The following BACH1 variants were observed in gnomAD, a reference collection of about 807,000 sequenced individuals.
The protein encoded by BACH1 is BTB domain and CNC homolog 1.
Under a neutral mutation model 52.9 loss-of-function variants are expected in BACH1, and 35 were observed. The ratio of observed to expected loss-of-function variants is 0.66; its 90% confidence interval spans 0.51 to 0.88. The LOEUF is 0.88. Among genes scored for constraint, BACH1 ranks in the 40% least tolerant of loss-of-function variants. The pLI is 0.00. For missense variants in BACH1, 808 were observed against 872.6 expected (o/e 0.93, Z 0.93); for synonymous variants, 321 against 319.6 (o/e 1.00, Z -0.05).
At position 29,344,696 on chromosome 21, in the gene BACH1, C is replaced by T. The variant is rs1031189458; in HGVS notation, c.*1863C>T. ...TGTGTATGTATACATATATATCTCT[C>T]CATATAGGTATTTCTTTGATACTTG... On this transcript the variant is annotated 3_prime_UTR_variant, in exon 5 of 5. Transcript: ENST00000286800. 4.6e-5 allele frequency: 7 copies of T among 151,562 alleles called. No homozygotes were observed. The East Asian group carries it at 7.7e-4, about 17-fold the overall frequency. The allele number at this position is 151,562 out of a possible 1,614,324, so 9.4% of individuals were successfully genotyped here.
At chr21:29,320,433 AGTGT>A (rs772206484) in intron 1 of BACH1, among the ~76,000 whole-genome samples, 3 of 152,186 alleles carry the variant, frequency 2.0e-5, no homozygotes, top group Non-Finnish European at 4.4e-5. Context: ...TTTTGGCAGT[AGTGT>A]GTATGTGATC....
rs558491949 is a variant in BACH1, at chr21:29,342,687, G to A, written c.2065G>A (p.Glu689Lys). The A allele has an allele frequency of 6.2e-7, 1 of 1,614,190 alleles. No individual in the cohort carries two copies. The highest frequency in any genetic ancestry group is 8.5e-7 in the Non-Finnish European group (1 of 1,180,032). ...GCCTCCCTGTGCCAGAGGAAACAGTGAGCCTGGCTACGCGCGAGGGCAGGA... is the reference window on the plus strand; with the variant it reads ...GCCTCCCTGTGCCAGAGGAAACAGTAAGCCTGGCTACGCGCGAGGGCAGGA... ...VLPPCARGNS[E>K]PGYARGQESQ... The change falls in exon 5 of 5, where the codon GAG becomes AAG. Residue 689 changes from glutamate (E) to lysine (K), a missense_variant. Glu to Lys is a moderately conservative substitution (Grantham distance 56, BLOSUM62 1). Transcript: ENST00000286800.
At chr21:29,350,210 G>A (rs407712), downstream of BACH1, among the ~76,000 whole-genome samples, 110,079 of 152,134 alleles carry the variant, frequency 0.72, 41,248 homozygotes, top group African/African-American at 0.91. Context: ...ACTGCACCCC[G>A]TGGTTCACAA....
At chr21:29,300,366 A>T (rs1000945885) in intron 1 of BACH1, among the ~76,000 whole-genome samples, 24 of 152,178 alleles carry the variant, frequency 1.6e-4, no homozygotes, top group Non-Finnish European at 3.1e-4. Context: ...GCTGGTGCAA[A>T]TACTCTCATC....
At chr21:29,350,870 C>A (rs1347627707), downstream of BACH1, among the ~76,000 whole-genome samples, 1 of 152,104 alleles carries the variant, frequency 6.6e-6, no homozygotes, top group African/African-American at 2.4e-5. Flanking sequence ...GAGAAAGATA[C>A]CCCAGAAGAG....
In BACH1 at chr21:29,342,766, G is replaced by A. The variant is rs369346505; in HGVS notation, c.2144G>A (p.Cys715Tyr). Residue 715 changes from cysteine to tyrosine, a missense_variant, in exon 5 of 5, where the codon TGT (cysteine) becomes TAT (tyrosine). By Grantham distance (194) the Cys-to-Tyr change is radical (BLOSUM62 -2). Transcript: ENST00000286800. ...GAGCAAGCTGGGCCTGCGGAACAGTGTCGTCAGAGTGGTGGGATCTCAGAT... is the reference window on the plus strand; with the variant it reads ...GAGCAAGCTGGGCCTGCGGAACAGTATCGTCAGAGTGGTGGGATCTCAGAT... ...TSEQAGPAEQ[C>Y]RQSGGISDFC... The A allele has an allele frequency of 2.0e-5, 32 of 1,613,508 alleles. No homozygotes were observed. Among genetic ancestry groups the A allele is most frequent in the Non-Finnish European group, 2.7e-5 (32 of 1,179,604 alleles).
rs757204896 is a variant in BACH1 at position 29,327,185 on chromosome 21, C to T, written c.1361C>T (p.Thr454Ile). ...ESPEPGQRTF[T>I]TLSSVNCPFI... ...CCAGAACCAGGTCAAAGGACTTTCA[C>T]AACATTAAGTTCTGTCAACTGCCCT... Residue 454 changes from threonine to isoleucine, a missense_variant, in exon 3 of 5, where the codon ACA becomes ATA. Coordinates refer to ENST00000286800, the MANE Select transcript of BACH1 (RefSeq NM_001186.4). The T allele has an allele frequency of 6.2e-6, 10 of 1,614,218 alleles. No individual in the cohort carries two copies. Among genetic ancestry groups the T allele is most frequent in the Middle Eastern group, 1.6e-4 (1 of 6,062 alleles).
chr21:29,329,355 G>T, intron 3 of BACH1, 132 bp from the exon 4 acceptor site: 1 of 664,304 alleles, frequency 1.5e-6, no homozygotes, highest in South Asian at 2.9e-5. Flanking sequence ...ATAGAAATTG[G>T]GATAGAGGCC....
intron 3 of BACH1, 51 bp downstream of exon 3, chr21:29,327,444 A>T (rs780747281): frequency 1.8e-5 from 28 of 1,561,384 alleles, no homozygotes; most frequent in African/African-American, 2.7e-5. Context: ...ATTAATTGGG[A>T]TTTACTGTGG....
intron 1 of BACH1, among the ~76,000 whole-genome samples, chr21:29,301,783 T>A (rs1376148497): frequency 2.0e-5 from 3 of 152,154 alleles, no homozygotes; most frequent in African/African-American, 7.2e-5. Context: ...TCTGTTTTTT[T>A]TTGTTTGTTT....
At chr21:29,350,681 G>A (rs73897767), downstream of BACH1, among the ~76,000 whole-genome samples, 1,753 of 152,326 alleles carry the variant, frequency 0.012, 38 homozygotes, top group African/African-American at 0.04. Context: ...AGGACAACCA[G>A]TTATTTTCAG....
chr21:29,330,135 C>A (rs2088963379), intron 4 of BACH1, among the ~76,000 whole-genome samples: 1 of 152,026 alleles, frequency 6.6e-6, no homozygotes, highest in Non-Finnish European at 1.5e-5. Context: ...CTAATGGGAT[C>A]CTAAGTGAGA....
intron 1 of BACH1, among the ~76,000 whole-genome samples, chr21:29,306,061 G>A (rs1214009051): frequency 6.6e-6 from 1 of 152,156 alleles, no homozygotes; most frequent in Non-Finnish European, 1.5e-5. Context: ...AGTGATGAAT[G>A]CATAGGTTAG....
rs1197437462 is a variant in BACH1, at chr21:29,326,616, G to C, written c.792G>C (p.Leu264=). 1 of 1,614,212 alleles carries C rather than the reference G, an allele frequency of 6.2e-7. No homozygotes were observed. The highest frequency in any genetic ancestry group is 1.7e-5 in the Admixed American group (1 of 60,028). ...QPNERSENEC[L]GGVPECRDLQ... ...ATGAAAGGTCTGAAAATGAATGCCTGGGAGGAGTCCCGGAGTGTAGAGATT... is the reference window on the plus strand; with the variant it reads ...ATGAAAGGTCTGAAAATGAATGCCTCGGAGGAGTCCCGGAGTGTAGAGATT... The change falls in exon 3 of 5, where the codon CTG becomes CTC. Residue 264 remains leucine, a synonymous_variant. Coordinates refer to ENST00000286800, the MANE Select transcript of BACH1 (RefSeq NM_001186.4).
intron 1 of BACH1, among the ~76,000 whole-genome samples, chr21:29,315,518 T>A (rs1005631071): frequency 9.9e-5 from 15 of 152,166 alleles, no homozygotes; most frequent in African/African-American, 3.6e-4. Context: ...AAGGCAGGTT[T>A]TGAGGAATGG....
chr21:29,321,182 A>C, intron 1 of BACH1, 39 bp from the exon 2 acceptor site: 5 of 1,030,144 alleles, frequency 4.9e-6, no homozygotes, highest in Non-Finnish European at 7.4e-6. Context: ...TTTTTTAACA[A>C]GATGTTATTT....
At position 29,343,318 on chromosome 21, in the gene BACH1, C is replaced by G. The variant is rs1442554544; in HGVS notation, c.*485C>G. On this transcript the variant is annotated 3_prime_UTR_variant, in exon 5 of 5. Transcript: ENST00000286800. The stretch of plus-strand genomic sequence containing the variant: ...TCTATTCTTAGAAGCAGGGTGTCAG[C>G]TACTGGGAATATTTTTGTAGAGCTG... The G allele has an allele frequency of 1.3e-5, 2 of 152,824 alleles. No homozygotes were observed. The highest frequency in any genetic ancestry group is 2.9e-5 in the Non-Finnish European group (2 of 68,578). The allele number at this position is 152,824 out of a possible 1,614,324, so 9.5% of individuals were successfully genotyped here. A position where few individuals can be genotyped will look rare whatever the true frequency, so the allele number is the denominator to read the frequency against.
chr21:29,339,509 CT>C (rs1196552559), intron 4 of BACH1, among the ~76,000 whole-genome samples: 1 of 151,626 alleles, frequency 6.6e-6, no homozygotes, highest in Non-Finnish European at 1.5e-5. Context: ...GTCACTTGTA[CT>C]TTTGGTGCCA....
At chr21:29,305,751 G>A (rs1153280) in intron 1 of BACH1, among the ~76,000 whole-genome samples, 78,623 of 152,122 alleles carry the variant, frequency 0.52, 20,769 homozygotes, top group South Asian at 0.63. Flanking sequence ...TCACATGAAC[G>A]CATACTTAAC....
Sources: gnomAD v4.1 joint callset for allele counts (sites outside exome capture counted in the v4.1 genomes callset) on GRCh38, gnomAD v4.1.1 for gene constraint, MANE v1.5 for transcripts, NCBI Gene and HGNC (gene_info 2026-07-23, HGNC 2026-07-21) for gene names.